Variants in USP9Y observed in about 807,000 individuals in gnomAD.
The protein encoded by USP9Y is ubiquitin specific peptidase 9 Y-linked, also known as ubiquitin carboxyl-terminal hydrolase 9Y.
Under a neutral mutation model 53.1 loss-of-function variants are expected in USP9Y, and 41 were observed. That is an observed-to-expected ratio of 0.77 (90% CI 0.60 to 1.00). The LOEUF is 1.00. Ranked by LOEUF, USP9Y falls within the 50% of genes least tolerant of loss-of-function variation. The probability of loss-of-function intolerance (pLI) is 0.00; values close to 1 mark genes in which losing one functional copy is unlikely to be tolerated. For missense variants in USP9Y, 567 were observed against 535.8 expected (o/e 1.06, Z -0.58); for synonymous variants, 220 against 173.7 (o/e 1.27, Z -2.09).
At position 12,846,918 on chromosome Y, in the gene USP9Y, A is replaced by T. The variant is rs768463205; in HGVS notation, c.6755-15A>T. On this transcript the variant is annotated splice_polypyrimidine_tract_variant and intron_variant, in intron 40 of 45. Coordinates refer to ENST00000338981, the MANE Select transcript of USP9Y (RefSeq NM_004654.4). The stretch of plus-strand genomic sequence containing the variant: ...GAATTCTATTGGTTTTTCATTGATA[A>T]CAAATCTGTTCTAGGTAATCCCCCT... 2 of 365,021 alleles carry T rather than the reference A, an allele frequency of 5.5e-6. No individual in the cohort carries two copies. Among genetic ancestry groups the T allele is most frequent in the African/African-American group, 1.3e-4 (2 of 15,175 alleles). The allele number at this position is 365,021 out of a possible 400,897, so 91.1% of individuals were successfully genotyped here.
Position 12,757,255 on chromosome Y carries a change from G to A in USP9Y, c.1486G>A (p.Ala496Thr), listed in dbSNP as rs1307520242. The change falls in exon 13 of 46, where the codon GCA becomes ACA. Residue 496 changes from alanine (A) to threonine (T), a missense_variant. Transcript: ENST00000338981. ...GCTCCTTGAGTTGATACGCCGTCTT[G>A]CAGAAGATGATAAAGATGGTGTGAT... Reference protein sequence around the residue: ...EKLLELIRRLAEDDKDGVMAH... With the variant: ...EKLLELIRRLTEDDKDGVMAH... The A allele has an allele frequency of 2.5e-6, 1 of 398,963 alleles. No individual in the cohort carries two copies. The highest frequency in any genetic ancestry group is 3.0e-5 in the South Asian group (1 of 33,791).
chrY:12,840,264 A>T lies in USP9Y; in HGVS notation c.5738A>T (p.Asp1913Val). The change falls in exon 36 of 46, where the codon GAT (aspartate) becomes GTT (valine). Residue 1913 changes from aspartate to valine, a missense_variant. Asp to Val is a radical substitution (Grantham distance 152). Transcript: ENST00000338981. ...DDGDVTECKM[D>V]DDEEMKNQCF... ...GGAGATGTAACAGAATGCAAAATGG[A>T]TGATGATGAAGAAATGAAAAATCAG... The T allele has an allele frequency of 2.5e-6, 1 of 398,702 alleles. No individual in the cohort carries two copies. Among genetic ancestry groups the T allele is most frequent in the Non-Finnish European group, 3.5e-6 (1 of 283,497 alleles).
chrY:12,757,509 C>G, intron 13 of USP9Y, 111 bp downstream of exon 13: 2 of 218,789 alleles, frequency 9.1e-6, no homozygotes, highest in Non-Finnish European at 1.5e-5. Context: ...ATTTTTGAGA[C>G]AGAGTCTCGC....
chrY:12,733,031 T>TC (rs2053448327), intron 7 of USP9Y, among the ~76,000 whole-genome samples: 1 of 29,537 alleles, frequency 3.4e-5, no homozygotes, highest in African/African-American at 1.4e-4. Context: ...CTTCCTCAGC[T>TC]CCCCCTGGCC....
chrY:12,719,829 C>T, intron 3 of USP9Y, among the ~76,000 whole-genome samples: 3 of 27,710 alleles, frequency 1.1e-4, no homozygotes, highest in Non-Finnish European at 2.6e-4. Flanking sequence ...CTCTTTCACC[C>T]AGGCTGGAGT....
chrY:12,766,779 T>G, intron 15 of USP9Y, among the ~76,000 whole-genome samples: 1 of 33,539 alleles, frequency 3.0e-5, no homozygotes, highest in Non-Finnish European at 7.4e-5. Flanking sequence ...CAATAGTTTT[T>G]ACGAATGCCA....
chrY:12,852,093 G>C (rs1018706078), intron 42 of USP9Y, among the ~76,000 whole-genome samples: 2 of 33,200 alleles, frequency 6.0e-5, no homozygotes, highest in Non-Finnish European at 1.5e-4. Context: ...AGTTCTCCTG[G>C]ATAATATCCT....
At chrY:12,727,740 C>T in intron 7 of USP9Y, among the ~76,000 whole-genome samples, 2 of 33,515 alleles carry the variant, frequency 6.0e-5, no homozygotes, top group Admixed American at 2.7e-4. Context: ...CACACAAACT[C>T]GCAGAATCCA....
In USP9Y at chrY:12,818,621, G is replaced by T; in HGVS notation, c.5021+11G>T. ...TTGGAAACAGTTCAGGTAAATTATG[G>T]GTGGGTGATCATTTAAGTTTCATAA... On this transcript the variant is annotated intron_variant, in intron 33 of 45. Coordinates refer to ENST00000338981, the MANE Select transcript of USP9Y (RefSeq NM_004654.4). 1 of 389,467 alleles carries T rather than the reference G, an allele frequency of 2.6e-6. No homozygotes were observed. The highest frequency in any genetic ancestry group is 3.6e-6 in the Non-Finnish European group (1 of 275,246).
Position 12,736,120 on chromosome Y carries a change from C to T in USP9Y, c.896C>T (p.Ala299Val). 3 of 396,910 alleles carry T rather than the reference C, an allele frequency of 7.6e-6. No homozygotes were observed. The highest frequency in any genetic ancestry group is 1.1e-5 in the Non-Finnish European group (3 of 282,524). ...ACTGATGAAGAACTGAAAAAGGAGG[C>T]AAAGAATGAAGCCAAAAATGATGCC... ...NLTDEELKKE[A>V]KNEAKNDALS... Residue 299 changes from alanine (A) to valine (V), a missense_variant, in exon 9 of 46, where the codon GCA becomes GTA. By Grantham distance (64) the Ala-to-Val change is moderately conservative. Coordinates refer to ENST00000338981, the MANE Select transcript of USP9Y (RefSeq NM_004654.4).
chrY:12,722,228 A>G, intron 5 of USP9Y, 41 bp downstream of exon 5: 1 of 320,470 alleles, frequency 3.1e-6, no homozygotes, highest in South Asian at 3.1e-5. Flanking sequence ...GTGCTCCTAT[A>G]TATACTTACA....
chrY:12,844,309 T>C, intron 39 of USP9Y, among the ~76,000 whole-genome samples: 1 of 33,103 alleles, frequency 3.0e-5, no homozygotes. Context: ...TTAAAAGTTA[T>C]TCAGCTAACT....
intron 3 of USP9Y, among the ~76,000 whole-genome samples, chrY:12,713,898 T>A: frequency 7.8e-5 from 2 of 25,478 alleles, no homozygotes; most frequent in Admixed American, 3.6e-4. Flanking sequence ...CTTCTTTTTT[T>A]TTTTTTTTTT....
intron 22 of USP9Y, among the ~76,000 whole-genome samples, chrY:12,782,886 T>G: frequency 3.0e-5 from 1 of 33,873 alleles, no homozygotes; most frequent in Non-Finnish European, 7.4e-5. Context: ...TTGCTATAGC[T>G]TCACTTGGTG....
intron 33 of USP9Y, among the ~76,000 whole-genome samples, chrY:12,833,348 C>T (rs2053551970): frequency 3.0e-5 from 1 of 33,727 alleles, no homozygotes; most frequent in South Asian, 6.4e-4. Flanking sequence ...AAAGTTTTAA[C>T]GCAGTAGTTA....
At chrY:12,837,812 G>A in intron 34 of USP9Y, 99 bp from the exon 35 acceptor site, 1 of 177,805 alleles carries the variant, frequency 5.6e-6, no homozygotes, top group Non-Finnish European at 9.4e-6. Flanking sequence ...GCCACTGCAC[G>A]CCAGCCTGAG....
intron 12 of USP9Y, among the ~76,000 whole-genome samples, chrY:12,745,942 G>A (rs369533920): frequency 3.0e-5 from 1 of 33,552 alleles, no homozygotes; most frequent in African/African-American, 1.2e-4. Context: ...TCAGCTTTTC[G>A]TAAGTCCTGT....
At chrY:12,823,592 C>T (rs751794602) in intron 33 of USP9Y, among the ~76,000 whole-genome samples, 1 of 33,251 alleles carries the variant, frequency 3.0e-5, no homozygotes, top group Admixed American at 2.8e-4. Flanking sequence ...AGGAACTTTA[C>T]TGGCCTATCA....
chrY:12,830,274 A>G (rs1025050230), intron 33 of USP9Y, among the ~76,000 whole-genome samples: 1 of 33,895 alleles, frequency 3.0e-5, no homozygotes, highest in South Asian at 6.6e-4. Flanking sequence ...CATCTAACAT[A>G]TAGAAGCCTG....
Sources: allele counts gnomAD v4.1 joint callset (sites outside exome capture counted in the v4.1 genomes callset), GRCh38; gene constraint gnomAD v4.1.1; transcripts MANE v1.5; gene names NCBI Gene and HGNC (gene_info 2026-07-23, HGNC 2026-07-21).